ANKRD55: variants seen among roughly 807,000 people sequenced by gnomAD.
The protein encoded by ANKRD55 is ankyrin repeat domain 55.
ANKRD55 carries 41 observed loss-of-function variants against 60.6 expected under a neutral mutation model. The observed-to-expected ratio is 0.68, with a 90% confidence interval of 0.53 to 0.88. ANKRD55 has a LOEUF of 0.88. Ranked by LOEUF, ANKRD55 falls within the 40% of genes least tolerant of loss-of-function variation. The pLI, the probability that ANKRD55 is intolerant of heterozygous loss-of-function variation, is 0.00. For synonymous variants in ANKRD55, 264 were observed against 290.3 expected (o/e 0.91, Z 0.92); for missense variants, 732 against 767.6 (o/e 0.95, Z 0.55).
chr5:56,121,196 A>G (rs929715555), intron 8 of ANKRD55, among the ~76,000 whole-genome samples: 2 of 152,272 alleles, frequency 1.3e-5, no homozygotes, highest in East Asian at 1.9e-4. Flanking sequence ...GAACCAAGGC[A>G]CACACAATAA....
chr5:56,154,881 G>T (rs367914010), intron 6 of ANKRD55, among the ~76,000 whole-genome samples: 3 of 152,130 alleles, frequency 2.0e-5, no homozygotes, highest in Non-Finnish European at 4.4e-5. Flanking sequence ...GAGCCGTGGA[G>T]CCGGGCCTCA....
chr5:56,214,848 T>A (rs187235015), intron 2 of ANKRD55, among the ~76,000 whole-genome samples: 112 of 152,316 alleles, frequency 7.4e-4, no homozygotes, highest in Non-Finnish European at 9.6e-4. Flanking sequence ...CAGTGGTCCC[T>A]GCTGGGCCGG....
chr5:56,190,429 C>A lies in ANKRD55; in HGVS notation c.59-6795G>T, dbSNP rs145441692. Among the ~76,000 whole-genome samples, 158 of 152,178 alleles carry A rather than the reference C, an allele frequency of 1.0e-3. 1 individual carries two copies. In the East Asian group the frequency reaches 0.029, roughly 28 times the overall value. On this transcript the variant is annotated intron_variant, in intron 2 of 11. Coordinates refer to ENST00000341048, the MANE Select transcript of ANKRD55 (RefSeq NM_024669.3). The stretch of plus-strand genomic sequence containing the variant: ...CAGTGTCATGAAGCTTTTCCCTAGG[C>A]TTTTTTCTATGAGTTTTACAGTTTT...
At chr5:56,135,233 TC>T (rs1757529377) in intron 7 of ANKRD55, among the ~76,000 whole-genome samples, 1 of 106,134 alleles carries the variant, frequency 9.4e-6, no homozygotes, top group Non-Finnish European at 2.0e-5. Flanking sequence ...CTTCCTTCCT[TC>T]CTTCCTTCCT....
At chr5:56,166,281 C>T (rs764556448) in intron 5 of ANKRD55, among the ~76,000 whole-genome samples, 5 of 148,692 alleles carry the variant, frequency 3.4e-5, no homozygotes, top group East Asian at 2.0e-4. Context: ...TTCCTTCCTT[C>T]GGGTCTTGTG....
chr5:56,136,057 G>A (rs1376589988), intron 7 of ANKRD55, among the ~76,000 whole-genome samples: 1 of 149,802 alleles, frequency 6.7e-6, no homozygotes, highest in Non-Finnish European at 1.5e-5. Flanking sequence ...AAACATCAAA[G>A]AACTAAATAA....
intron 6 of ANKRD55, among the ~76,000 whole-genome samples, chr5:56,148,629 A>G (rs563573632): frequency 2.5e-3 from 376 of 151,836 alleles, no homozygotes; most frequent in African/African-American, 8.5e-3. Context: ...TTAAAGGCTT[A>G]CAAGTCCTAT....
chr5:56,138,942 T>A (rs1339891454), intron 7 of ANKRD55, among the ~76,000 whole-genome samples: 1 of 152,152 alleles, frequency 6.6e-6, no homozygotes, highest in Non-Finnish European at 1.5e-5. Flanking sequence ...TTCCACAGAA[T>A]GTACAATATC....
chr5:56,126,866 GATT>G, intron 8 of ANKRD55, 53 bp downstream of exon 8: 1 of 1,530,624 alleles, frequency 6.5e-7, no homozygotes, highest in African/African-American at 1.4e-5. Flanking sequence ...TTTATTTTAA[GATT>G]CAGTTAGGGG....
In ANKRD55 at chr5:56,111,623, G is replaced by A; in HGVS notation, c.1125C>T (p.Thr375=). 6.3e-7 allele frequency: 1 copy of A among 1,578,422 alleles called. No homozygotes were observed. Among genetic ancestry groups the A allele is most frequent in the Non-Finnish European group, 8.6e-7 (1 of 1,165,212 alleles). Residue 375 remains threonine, a synonymous_variant, in exon 10 of 12, where the codon ACC becomes ACT. Coordinates refer to ENST00000341048, the MANE Select transcript of ANKRD55 (RefSeq NM_024669.3). ...PSRDRYREED[T]SEVNDIITTF... ...TGGTGATGATGTCATTGACTTCTGAGGTGTCCTCCTCTCTGTATCGGTCCC... is the reference window on the plus strand; with the variant it reads ...TGGTGATGATGTCATTGACTTCTGAAGTGTCCTCCTCTCTGTATCGGTCCC...
At chr5:56,149,982 C>T (rs1758001246) in intron 6 of ANKRD55, among the ~76,000 whole-genome samples, 3 of 151,948 alleles carry the variant, frequency 2.0e-5, no homozygotes, top group Admixed American at 1.3e-4. Context: ...GCTGGGACTA[C>T]AGGTGCGAGC....
At chr5:56,162,100 G>A (rs1252210925) in intron 5 of ANKRD55, 3 of 935,440 alleles carry the variant, frequency 3.2e-6, no homozygotes. Context: ...GGAAGGGCAA[G>A]GCAGGAGGTC....
At chr5:56,167,858 C>T (rs1758520158) in intron 5 of ANKRD55, among the ~76,000 whole-genome samples, 1 of 152,138 alleles carries the variant, frequency 6.6e-6, no homozygotes, top group South Asian at 2.1e-4. Flanking sequence ...CACAAGTCCA[C>T]AAAGAGGAAG....
chr5:56,105,644 G>A, intron 10 of ANKRD55, among the ~76,000 whole-genome samples: 1 of 152,190 alleles, frequency 6.6e-6, no homozygotes, highest in East Asian at 1.9e-4. Context: ...ATTTGAGATG[G>A]GCGGTGCAGA....
intron 2 of ANKRD55, among the ~76,000 whole-genome samples, chr5:56,224,233 G>T (rs1760047152): frequency 1.3e-5 from 2 of 151,486 alleles, no homozygotes; most frequent in South Asian, 4.2e-4. Flanking sequence ...GCTCCTGAAT[G>T]ACTACTGGGT....
intron 5 of ANKRD55, among the ~76,000 whole-genome samples, chr5:56,166,153 T>TC (rs1554040810): frequency 0.088 from 4,333 of 49,266 alleles, 408 homozygotes; most frequent in African/African-American, 0.2. Flanking sequence ...TTTCTTTCTT[T>TC]CTTCTTTCCT....
intron 2 of ANKRD55, among the ~76,000 whole-genome samples, chr5:56,213,295 A>G (rs1161957584): frequency 6.6e-6 from 1 of 152,182 alleles, no homozygotes; most frequent in African/African-American, 2.4e-5. Context: ...ATATTTAAGT[A>G]TTTGCTTATT....
intron 2 of ANKRD55, among the ~76,000 whole-genome samples, chr5:56,216,879 A>G (rs1759825320): frequency 6.6e-6 from 1 of 152,272 alleles, no homozygotes; most frequent in Non-Finnish European, 1.5e-5. Context: ...AAGCTGCAAC[A>G]AGTTATCCAG....
At chr5:56,183,740 A>C in intron 2 of ANKRD55, 106 bp from the exon 3 acceptor site, 6 of 1,437,320 alleles carry the variant, frequency 4.2e-6, no homozygotes, top group Non-Finnish European at 5.7e-6. Flanking sequence ...AAACTTCTCA[A>C]GTGAATCCAG....
Sources: allele counts gnomAD v4.1 joint callset (sites outside exome capture counted in the v4.1 genomes callset), GRCh38; gene constraint gnomAD v4.1.1; transcripts MANE v1.5; gene names NCBI Gene and HGNC (gene_info 2026-07-23, HGNC 2026-07-21).